DCC: variants seen among roughly 807,000 people sequenced by gnomAD.
DCC encodes netrin receptor DCC.
DCC carries 58 observed loss-of-function variants against 172.5 expected under a neutral mutation model. The ratio of observed to expected loss-of-function variants is 0.34; its 90% CI spans 0.27 to 0.42. The LOEUF (loss-of-function observed/expected upper bound fraction) is 0.42. DCC is among the 10% of genes least tolerant of loss of function. DCC has a pLI of 1.00. For synonymous variants in DCC, 709 were observed against 644.5 expected (o/e 1.10, Z -1.52); for missense variants, 1,740 against 1,791.0 (o/e 0.97, Z 0.51).
At chr18:53,125,789 A>G (rs1309049027) in intron 7 of DCC, among the ~76,000 whole-genome samples, 2 of 152,116 alleles carry the variant, frequency 1.3e-5, no homozygotes, top group South Asian at 2.1e-4. Context: ...CTTTTATACT[A>G]CCATTGACTA....
chr18:53,156,811 T>C (rs1340471035), intron 7 of DCC, among the ~76,000 whole-genome samples: 4 of 152,234 alleles, frequency 2.6e-5, no homozygotes, highest in Non-Finnish European at 5.9e-5. Flanking sequence ...TATAGATACA[T>C]GTGTTCATTC....
Position 52,883,287 on chromosome 18 carries a change from C to T in DCC, c.413-22757C>T, listed in dbSNP as rs1186799577. 2.0e-5 allele frequency among the ~76,000 whole-genome samples: 3 copies of T among 150,998 alleles called. No individual in the cohort carries two copies. In the East Asian group the frequency reaches 5.8e-4, roughly 29 times the overall value. On this transcript the variant is annotated intron_variant, in intron 2 of 28. Transcript: ENST00000442544. Reference sequence around the variant, plus strand: ...TTGATAAGTAAGGACTTATTCCTGTCACTTTGTTATTTGTTTTCTGTTTTA... The same window carrying T: ...TTGATAAGTAAGGACTTATTCCTGTTACTTTGTTATTTGTTTTCTGTTTTA...
In DCC at chr18:53,109,981, T is replaced by A. The variant is rs565390277; in HGVS notation, c.1261+43815T>A. Reference sequence around the variant, plus strand: ...TTCTGGGAAATAGTGCATATTCAACTGTAAACTATTGAAAATGATGACGTA... The same window carrying A: ...TTCTGGGAAATAGTGCATATTCAACAGTAAACTATTGAAAATGATGACGTA... On this transcript the variant is annotated intron_variant, in intron 7 of 28. Coordinates refer to ENST00000442544, the MANE Select transcript of DCC (RefSeq NM_005215.4). Among the ~76,000 whole-genome samples, 842 of 151,730 alleles carry A rather than the reference T, an allele frequency of 5.5e-3. 6 individuals are homozygous for A. Among genetic ancestry groups the A allele is most frequent in the Admixed American group, 0.022 (341 of 15,186 alleles).
chr18:52,729,550 A>C (rs2036603626), intron 1 of DCC, among the ~76,000 whole-genome samples: 1 of 152,196 alleles, frequency 6.6e-6, no homozygotes, highest in South Asian at 2.1e-4. Flanking sequence ...CTGAGCCACC[A>C]TGCCCAGCCA....
At chr18:52,927,822 G>T (rs2040243459) in intron 5 of DCC, among the ~76,000 whole-genome samples, 1 of 152,084 alleles carries the variant, frequency 6.6e-6, no homozygotes, top group African/African-American at 2.4e-5. Context: ...TTGTGGGAAT[G>T]TGACTTAGTT....
chr18:53,379,377 G>A (rs1907548722), intron 15 of DCC, among the ~76,000 whole-genome samples: 1 of 152,352 alleles, frequency 6.6e-6, no homozygotes, highest in South Asian at 2.1e-4. Flanking sequence ...TCTGGCACAT[G>A]CCACTGGCAT....
chr18:53,446,109 A>AAAC (rs1555672921), intron 22 of DCC, among the ~76,000 whole-genome samples: 8 of 142,558 alleles, frequency 5.6e-5, no homozygotes, highest in African/African-American at 1.3e-4. Context: ...AAAAAAAAAA[A>AAAC]AAAAACAAAA....
At chr18:53,373,702 G>A (rs2058082737) in intron 15 of DCC, among the ~76,000 whole-genome samples, 1 of 152,096 alleles carries the variant, frequency 6.6e-6, no homozygotes, top group Non-Finnish European at 1.5e-5. Flanking sequence ...CATGAGTTGA[G>A]TATATACTCA....
chr18:52,401,683 T>G (rs1281159836), intron 1 of DCC, among the ~76,000 whole-genome samples: 1 of 152,146 alleles, frequency 6.6e-6, no homozygotes, highest in East Asian at 1.9e-4. Context: ...TGAATGCTGT[T>G]CTAAGTCCTA....
intron 2 of DCC, among the ~76,000 whole-genome samples, chr18:52,865,557 T>C (rs1406438457): frequency 1.3e-5 from 2 of 152,110 alleles, no homozygotes; most frequent in Non-Finnish European, 2.9e-5. Flanking sequence ...TGGTATCTCA[T>C]TGTGGTTTTG....
At chr18:53,416,617 AC>A (rs1471730130) in intron 21 of DCC, 2 of 204,060 alleles carry the variant, frequency 9.8e-6, no homozygotes, top group African/African-American at 4.7e-5. Context: ...AAGTTGGGTC[AC>A]CTTTTTTAGG....
At chr18:53,418,182 A>G (rs922727405) in intron 21 of DCC, among the ~76,000 whole-genome samples, 4 of 152,190 alleles carry the variant, frequency 2.6e-5, no homozygotes, top group Non-Finnish European at 4.4e-5. Flanking sequence ...TCTAAATTTT[A>G]CATCAAACTC....
At chr18:52,490,801 G>A (rs2030462839) in intron 1 of DCC, among the ~76,000 whole-genome samples, 1 of 152,086 alleles carries the variant, frequency 6.6e-6, no homozygotes, top group Non-Finnish European at 1.5e-5. Flanking sequence ...CACCTCTTGT[G>A]AGGGATAAGA....
intron 1 of DCC, among the ~76,000 whole-genome samples, chr18:52,620,284 T>C (rs916042960): frequency 3.3e-5 from 5 of 152,204 alleles, no homozygotes; most frequent in African/African-American, 9.6e-5. Context: ...GCTCCAACTT[T>C]CTATTAATTG....
At chr18:53,009,026 G>GTA (rs978475266) in intron 5 of DCC, among the ~76,000 whole-genome samples, 2 of 151,868 alleles carry the variant, frequency 1.3e-5, no homozygotes, top group African/African-American at 4.8e-5. Flanking sequence ...GATGATGAGA[G>GTA]TAGAATACTC....
intron 5 of DCC, among the ~76,000 whole-genome samples, chr18:53,056,044 A>G (rs1205459769): frequency 2.0e-5 from 3 of 152,110 alleles, no homozygotes; most frequent in Non-Finnish European, 4.4e-5. Context: ...TTTATAAAGA[A>G]TATTTTTCCT....
At position 53,132,666 on chromosome 18, in the gene DCC, G is replaced by A. The variant is rs113596691; in HGVS notation, c.1262-24690G>A. Among the ~76,000 whole-genome samples the A allele has an allele frequency of 9.9e-3, 1,502 of 152,262 alleles. 35 individuals carry two copies. Among genetic ancestry groups the A allele is most frequent in the African/African-American group, 0.034 (1,396 of 41,558 alleles). ...CAGGCATGCGGCAGTGATGTGAAGA[G>A]CAGGAGAGAGTGGTGTCAGGACCTG... is the stretch of plus-strand genomic sequence containing the variant. On this transcript the variant is annotated intron_variant, in intron 7 of 28. Transcript: ENST00000442544.
rs1340604975 is a variant in DCC, at chr18:52,451,437, A to G, written c.91+110559A>G. Among the ~76,000 whole-genome samples the G allele has an allele frequency of 3.9e-5, 6 of 152,282 alleles. No homozygotes were observed. In the East Asian group the frequency reaches 9.7e-4, roughly 25 times the overall value. ...ATTTCTGAGGCCGTTTGGGAAAGAG[A>G]TAAAGAGCCTCACACGCCCGGTAGC... On this transcript the variant is annotated intron_variant, in intron 1 of 28. Coordinates refer to ENST00000442544, the MANE Select transcript of DCC (RefSeq NM_005215.4).
chr18:53,311,993 A>G (rs961553566), intron 13 of DCC, among the ~76,000 whole-genome samples: 7 of 152,114 alleles, frequency 4.6e-5, no homozygotes, highest in African/African-American at 9.7e-5. Context: ...AAAGATGTCT[A>G]TTGGACAATA....
Sources: allele counts gnomAD v4.1 joint callset (sites outside exome capture counted in the v4.1 genomes callset), GRCh38; gene constraint gnomAD v4.1.1; transcripts MANE v1.5; gene names NCBI Gene and HGNC (gene_info 2026-07-23, HGNC 2026-07-21).